The following FGGY variants were observed in gnomAD, a reference collection of about 807,000 sequenced individuals.
FGGY encodes the protein FGGY carbohydrate kinase domain-containing protein.
FGGY carries 72 observed loss-of-function variants against 71.3 expected under a neutral mutation model. The observed-to-expected ratio is 1.01, with a 90% confidence interval of 0.84 to 1.23. The LOEUF is 1.23. FGGY is among the 50% of genes most tolerant of loss of function. FGGY has a pLI of 0.00. For synonymous variants in FGGY, 251 were observed against 250.3 expected (o/e 1.00, Z -0.02); for missense variants, 668 against 682.3 (o/e 0.98, Z 0.23).
At chr1:59,331,446 C>A (rs1339313442) in intron 2 of FGGY, among the ~76,000 whole-genome samples, 3 of 152,044 alleles carry the variant, frequency 2.0e-5, no homozygotes, top group Non-Finnish European at 4.4e-5. Flanking sequence ...TTGCTGTTCC[C>A]CCTCCCAGGA....
chr1:59,709,668 T>A (rs1228611975), intron 14 of FGGY, among the ~76,000 whole-genome samples: 1 of 152,096 alleles, frequency 6.6e-6, no homozygotes, highest in African/African-American at 2.4e-5. Flanking sequence ...CACCTATCAG[T>A]TAGGTCAGTA....
chr1:59,335,295 G>A (rs190991337), intron 2 of FGGY, among the ~76,000 whole-genome samples: 32 of 152,130 alleles, frequency 2.1e-4, no homozygotes, highest in African/African-American at 7.5e-4. Flanking sequence ...TATATAAATA[G>A]AATCACATAG....
At position 59,529,026 on chromosome 1, in the gene FGGY, A is replaced by G. The variant is rs563874965; in HGVS notation, c.799+16587A>G. 2.5e-3 allele frequency among the ~76,000 whole-genome samples: 375 copies of G among 152,330 alleles called. 5 individuals carry two copies. The South Asian group carries it at 0.037, about 15-fold the overall frequency. ...GCTGTCTGTCCCACTTAGACTGTGA[A>G]CTTTTTATGAACAATGGAATCTAGT... On this transcript the variant is annotated intron_variant, in intron 7 of 15. Transcript: ENST00000303721.
At chr1:59,358,601 A>G (rs969824425) in intron 4 of FGGY, among the ~76,000 whole-genome samples, 5 of 152,130 alleles carry the variant, frequency 3.3e-5, no homozygotes, top group Non-Finnish European at 7.3e-5. Flanking sequence ...ATGGACATTT[A>G]CTGTCCTTGC....
At chr1:59,688,751 A>AT (rs11286707) in intron 14 of FGGY, among the ~76,000 whole-genome samples, 2 of 137,184 alleles carry the variant, frequency 1.5e-5, no homozygotes, top group African/African-American at 2.7e-5. Context: ...GTTTTTTAGA[A>AT]TTTTTTTTTT....
At chr1:59,662,826 G>A (rs957814895) in intron 12 of FGGY, among the ~76,000 whole-genome samples, 2 of 152,288 alleles carry the variant, frequency 1.3e-5, no homozygotes, top group African/African-American at 4.8e-5. Context: ...ATGTTTGCAT[G>A]ACAAAATCAC....
chr1:59,340,012 A>C lies in FGGY; in HGVS notation c.256A>C (p.Thr86Pro). 1 of 1,613,464 alleles carries C rather than the reference A, an allele frequency of 6.2e-7. No individual in the cohort carries two copies. Residue 86 changes from threonine to proline, a missense_variant, in exon 3 of 16, where the codon ACG becomes CCG. Coordinates refer to ENST00000303721, the MANE Select transcript of FGGY (RefSeq NM_018291.5). Reference sequence around the variant, plus strand: ...AATTCGAGGACTTGGGTTTGATGCCACGTGTTCTCTGGTTGTTTTGGATAA... The same window carrying C: ...AATTCGAGGACTTGGGTTTGATGCCCCGTGTTCTCTGGTTGTTTTGGATAA... ...NQIRGLGFDA[T>P]CSLVVLDKQF...
At chr1:59,476,915 C>T (rs954772213) in intron 6 of FGGY, among the ~76,000 whole-genome samples, 1 of 152,180 alleles carries the variant, frequency 6.6e-6, no homozygotes, top group Non-Finnish European at 1.5e-5. Flanking sequence ...CATCTCGGCT[C>T]CTCTGAAATT....
chr1:59,363,301 AG>A (rs1467114255), intron 4 of FGGY, among the ~76,000 whole-genome samples: 2 of 152,258 alleles, frequency 1.3e-5, no homozygotes, highest in Non-Finnish European at 2.9e-5. Flanking sequence ...CCGACTCTAA[AG>A]CCCCTACTCT....
Position 59,641,317 on chromosome 1 carries a change from C to T in FGGY, c.1221+2942C>T, listed in dbSNP as rs187153546. 1.0e-4 allele frequency: 166 copies of T among 1,605,684 alleles called. 4 individuals are homozygous for T. The highest frequency in any genetic ancestry group is 5.7e-4 in the Admixed American group (34 of 59,452). On this transcript the variant is annotated intron_variant, in intron 11 of 15. Transcript: ENST00000303721. Reference sequence around the variant, plus strand: ...TATCTGTATATTCCGGCTTTGGCAGCGTTGCACTCTCCCAGTTCTCTACTC... The same window carrying T: ...TATCTGTATATTCCGGCTTTGGCAGTGTTGCACTCTCCCAGTTCTCTACTC...
At chr1:59,312,001 G>A (rs1265072247) in intron 1 of FGGY, among the ~76,000 whole-genome samples, 1 of 152,232 alleles carries the variant, frequency 6.6e-6, no homozygotes, top group Non-Finnish European at 1.5e-5. Flanking sequence ...CTAATGATCA[G>A]TGATGTTGAG....
intron 14 of FGGY, among the ~76,000 whole-genome samples, chr1:59,696,734 C>T (rs1053265980): frequency 6.6e-6 from 1 of 152,004 alleles, no homozygotes; most frequent in Non-Finnish European, 1.5e-5. Context: ...ACGAGTGGCT[C>T]GCAAAAAGGA....
At chr1:59,607,004 A>C (rs536598488) in intron 8 of FGGY, among the ~76,000 whole-genome samples, 3 of 152,352 alleles carry the variant, frequency 2.0e-5, no homozygotes, top group Admixed American at 1.3e-4. Flanking sequence ...GTAGCAGTAC[A>C]TATTTGTAAA....
chr1:59,585,298 C>G (rs529310847), intron 8 of FGGY, among the ~76,000 whole-genome samples: 1 of 152,304 alleles, frequency 6.6e-6, no homozygotes, highest in African/African-American at 2.4e-5. Flanking sequence ...ACCAAAATAG[C>G]ATGGTACTGG....
intron 14 of FGGY, among the ~76,000 whole-genome samples, chr1:59,731,431 A>G (rs924704831): frequency 4.6e-5 from 7 of 152,150 alleles, no homozygotes; most frequent in Admixed American, 1.3e-4. Context: ...CCTTTTAAGC[A>G]TGAACCGAGA....
At chr1:59,350,161 C>T (rs79728037) in intron 4 of FGGY, among the ~76,000 whole-genome samples, 3,001 of 152,248 alleles carry the variant, frequency 0.02, 105 homozygotes, top group African/African-American at 0.069. Context: ...CATGTGTTTA[C>T]TCCTTCTTCA....
intron 9 of FGGY, among the ~76,000 whole-genome samples, chr1:59,625,009 G>GTC (rs946954777): frequency 3.9e-5 from 6 of 152,174 alleles, no homozygotes; most frequent in African/African-American, 1.4e-4. Context: ...TGGCCTCTGT[G>GTC]TCTCCTGAAC....
intron 15 of FGGY, among the ~76,000 whole-genome samples, chr1:59,759,643 G>T (rs191625903): frequency 9.0e-4 from 137 of 152,338 alleles, no homozygotes; most frequent in African/African-American, 3.1e-3. Flanking sequence ...AGCACCATCT[G>T]CAGGCAACCC....
rs1349634837 is a variant in FGGY, at chr1:59,512,411, A to G, written c.771A>G (p.Ser257=). ...GLLPGIAVAA[S]LIDAHAGGLG... ...TCCCTGGGATTGCGGTCGCAGCTTC[A>G]CTCATTGATGCCCATGCAGGAGGAC... The change falls in exon 7 of 16, where the codon TCA becomes TCG. Residue 257 remains serine (S), a synonymous_variant. Transcript: ENST00000303721. 11 of 1,613,782 alleles carry G rather than the reference A, an allele frequency of 6.8e-6. No individual in the cohort carries two copies. In the South Asian group the frequency reaches 1.2e-4, roughly 18 times the overall value.
Sources: allele counts gnomAD v4.1 joint callset (sites outside exome capture counted in the v4.1 genomes callset), GRCh38; gene constraint gnomAD v4.1.1; transcripts MANE v1.5; gene names NCBI Gene and HGNC (gene_info 2026-07-23, HGNC 2026-07-21).